The following CSMD1 variants were observed in gnomAD, a reference collection of about 807,000 sequenced individuals.
CSMD1 encodes the protein CUB and sushi domain-containing protein 1.
Under a neutral mutation model 417.5 loss-of-function variants are expected in CSMD1, and 213 were observed. That is an observed-to-expected ratio of 0.51 (90% confidence interval 0.46 to 0.57). CSMD1 has a LOEUF of 0.57. CSMD1 is among the 20% of genes least tolerant of loss of function. The pLI is 0.00. For synonymous variants in CSMD1, 2,862 were observed against 1,736.8 expected (o/e 1.65, Z -16.11); for missense variants, 6,923 against 4,529.7 (o/e 1.53, Z -15.17).
chr8:4,604,445 A>G (rs905362181), intron 2 of CSMD1, among the ~76,000 whole-genome samples: 9 of 150,572 alleles, frequency 6.0e-5, no homozygotes, highest in Admixed American at 4.6e-4. Context: ...CCAGGAAGGA[A>G]GGATCATCAA....
intron 5 of CSMD1, among the ~76,000 whole-genome samples, chr8:3,972,920 C>T (rs11997751): frequency 1.3e-5 from 2 of 151,840 alleles, no homozygotes; most frequent in East Asian, 3.9e-4. Flanking sequence ...CCTAAATGGG[C>T]AAAGTAGGAA....
intron 5 of CSMD1, among the ~76,000 whole-genome samples, chr8:3,798,729 C>G (rs1285440771): frequency 6.6e-6 from 1 of 151,980 alleles, no homozygotes; most frequent in Non-Finnish European, 1.5e-5. Flanking sequence ...TATACATATA[C>G]AAAAATGTCA....
chr8:4,285,365 C>A (rs763866984), intron 3 of CSMD1, among the ~76,000 whole-genome samples: 2 of 152,176 alleles, frequency 1.3e-5, no homozygotes, highest in African/African-American at 2.4e-5. Context: ...AAACTGCAGC[C>A]TTTCTATTCT....
At chr8:3,082,421 C>T (rs1814170801) in intron 49 of CSMD1, among the ~76,000 whole-genome samples, 1 of 152,216 alleles carries the variant, frequency 6.6e-6, no homozygotes, top group Non-Finnish European at 1.5e-5. Context: ...CACATTCCAG[C>T]TCAGACATCC....
chr8:3,972,187 G>T (rs1813136570), intron 5 of CSMD1, among the ~76,000 whole-genome samples: 1 of 151,818 alleles, frequency 6.6e-6, no homozygotes, highest in Non-Finnish European at 1.5e-5. Flanking sequence ...GACCATAGAT[G>T]TGATTTCCTA....
chr8:3,502,310 A>G (rs1033003677), intron 10 of CSMD1, among the ~76,000 whole-genome samples: 3 of 145,738 alleles, frequency 2.1e-5, no homozygotes, highest in Admixed American at 7.1e-5. Context: ...GCTTGCAGTG[A>G]GCTGAGATCG....
At chr8:4,528,098 C>T (rs1796612678) in intron 2 of CSMD1, among the ~76,000 whole-genome samples, 2 of 152,194 alleles carry the variant, frequency 1.3e-5, no homozygotes, top group African/African-American at 4.8e-5. Context: ...GATGGGTTTG[C>T]ATTTTGTGTT....
chr8:3,598,011 T>G (rs781240931), intron 8 of CSMD1, among the ~76,000 whole-genome samples: 1 of 152,200 alleles, frequency 6.6e-6, no homozygotes, highest in Non-Finnish European at 1.5e-5. Context: ...GTATATCTCC[T>G]CTCTTTATCA....
intron 2 of CSMD1, among the ~76,000 whole-genome samples, chr8:4,440,783 G>A (rs929545841): frequency 6.6e-6 from 1 of 151,956 alleles, no homozygotes; most frequent in African/African-American, 2.4e-5. Flanking sequence ...ATCACCTGAG[G>A]TCAGCAGTTC....
chr8:3,899,259 G>A (rs1807569673), intron 5 of CSMD1, among the ~76,000 whole-genome samples: 1 of 152,170 alleles, frequency 6.6e-6, no homozygotes, highest in Non-Finnish European at 1.5e-5. Context: ...GCAGCCAAGG[G>A]AAAGGAGCTC....
chr8:2,961,589 CCCAT>C (rs1367449123), intron 61 of CSMD1, among the ~76,000 whole-genome samples: 1 of 152,040 alleles, frequency 6.6e-6, no homozygotes, highest in Non-Finnish European at 1.5e-5. Flanking sequence ...CATTTGGTTA[CCCAT>C]TACATTATTC....
intron 26 of CSMD1, among the ~76,000 whole-genome samples, chr8:3,256,606 T>C (rs956549846): frequency 2.6e-5 from 4 of 152,228 alleles, no homozygotes; most frequent in South Asian, 2.1e-4. Flanking sequence ...ACTGGCTGTT[T>C]CTTACTTTTG....
chr8:3,617,486 G>C (rs974324318), intron 7 of CSMD1, among the ~76,000 whole-genome samples: 3 of 151,764 alleles, frequency 2.0e-5, no homozygotes, highest in African/African-American at 7.3e-5. Context: ...TTTCTCCCAG[G>C]AATTTGCTTA....
chr8:3,759,598 A>G (rs908592459), intron 5 of CSMD1, among the ~76,000 whole-genome samples: 1 of 152,210 alleles, frequency 6.6e-6, no homozygotes, highest in Non-Finnish European at 1.5e-5. Flanking sequence ...AGAAACCTCT[A>G]AAAGAGAATA....
intron 1 of CSMD1, among the ~76,000 whole-genome samples, chr8:4,789,321 A>T (rs1161531062): frequency 6.6e-6 from 1 of 152,196 alleles, no homozygotes; most frequent in African/African-American, 2.4e-5. Flanking sequence ...TGTGGTTTAA[A>T]AGCAGTCAAC....
chr8:4,206,015 C>T (rs1799957258), intron 3 of CSMD1, among the ~76,000 whole-genome samples: 2 of 152,080 alleles, frequency 1.3e-5, no homozygotes, highest in South Asian at 4.1e-4. Context: ...TCTTCAGAAA[C>T]TACATAGTTC....
intron 8 of CSMD1, chr8:3,613,187 G>T: frequency 4.6e-6 from 1 of 219,214 alleles, no homozygotes; most frequent in Non-Finnish European, 9.6e-6. Flanking sequence ...TTTCTTGAAA[G>T]ATACACACTA....
chr8:3,692,344 G>A (rs899049431), intron 7 of CSMD1, among the ~76,000 whole-genome samples: 3 of 152,174 alleles, frequency 2.0e-5, no homozygotes, highest in South Asian at 2.1e-4. Context: ...GAGACTCAGA[G>A]AAACAGACTC....
At chr8:4,614,320 C>G (rs1018126931) in intron 2 of CSMD1, among the ~76,000 whole-genome samples, 1 of 152,108 alleles carries the variant, frequency 6.6e-6, no homozygotes, top group Non-Finnish European at 1.5e-5. Flanking sequence ...TGTAGAAAAT[C>G]CTGTCTTGAA....
Sources: allele counts gnomAD v4.1 joint callset (sites outside exome capture counted in the v4.1 genomes callset), GRCh38; gene constraint gnomAD v4.1.1; transcripts MANE v1.5; gene names NCBI Gene and HGNC (gene_info 2026-07-23, HGNC 2026-07-21).